Variants in MARCHF7 observed in about 807,000 individuals in gnomAD.
The protein encoded by MARCHF7 is membrane associated ring-CH-type finger 7.
In MARCHF7, 20 loss-of-function variants were observed where a neutral mutation model predicts 76.5. The ratio of observed to expected loss-of-function variants is 0.26; its 90% confidence interval spans 0.18 to 0.38. The LOEUF (loss-of-function observed/expected upper bound fraction) is 0.38, where lower values mean the gene tolerates loss of function less well. Among genes scored for constraint, MARCHF7 ranks in the 10% least tolerant of loss-of-function variants. MARCHF7 has a pLI of 1.00. For missense variants in MARCHF7, 797 were observed against 812.9 expected (o/e 0.98, Z 0.24); for synonymous variants, 295 against 293.0 (o/e 1.01, Z -0.07).
chr2:159,750,869 T>C (rs997005013), intron 7 of MARCHF7, among the ~76,000 whole-genome samples: 8 of 152,204 alleles, frequency 5.3e-5, no homozygotes, highest in Non-Finnish European at 7.3e-5. Context: ...TTTTTAGATT[T>C]TTTTGTACTT....
At chr2:159,745,186 G>A (rs1704700132) in intron 5 of MARCHF7, among the ~76,000 whole-genome samples, 1 of 152,178 alleles carries the variant, frequency 6.6e-6, no homozygotes, top group South Asian at 2.1e-4. Context: ...GGTAGATGTT[G>A]TGAGAAGTGA....
Position 159,729,073 on chromosome 2 carries a change from C to T in MARCHF7, c.51C>T (p.Ser17=). 10 of 1,609,904 alleles carry T rather than the reference C, an allele frequency of 6.2e-6. No individual in the cohort carries two copies. Among genetic ancestry groups the T allele is most frequent in the Non-Finnish European group, 8.5e-6 (10 of 1,178,558 alleles). ...RIPRRISVQP[S]SSLSARMMSG... ...CAAGAAGAATTTCTGTTCAACCTTC[C>T]AGCTCCTTAAGTGCTAGGATGATGT... The change falls in exon 4 of 12, where the codon TCC becomes TCT. Residue 17 remains serine, a synonymous_variant. Transcript: ENST00000409175.
At chr2:159,731,147 C>A (rs573047423) in intron 4 of MARCHF7, among the ~76,000 whole-genome samples, 3 of 152,264 alleles carry the variant, frequency 2.0e-5, no homozygotes, top group Non-Finnish European at 4.4e-5. Context: ...GCCCACCTTC[C>A]CTCCCAGAGT....
chr2:159,770,237 TAATAA>T lies in MARCHF7; in HGVS notation c.*2900_*2904del, dbSNP rs772322318. 1 of 152,148 alleles carries T rather than the reference TAATAA, an allele frequency of 6.6e-6. No homozygotes were observed. Among genetic ancestry groups the T allele is most frequent in the Non-Finnish European group, 1.5e-5 (1 of 68,032 alleles). The allele number at this position is 152,148 out of a possible 1,614,324, so 9.4% of individuals were successfully genotyped here. A position where few individuals can be genotyped will look rare whatever the true frequency, so the allele number is the denominator to read the frequency against. ...ATTGACATTAGTAATAGTCTATCAATAATAAAATAGACATCTCAATCACTATACAA... is the reference window on the plus strand; with the variant it reads ...ATTGACATTAGTAATAGTCTATCAATAATAGACATCTCAATCACTATACAA... On this transcript the variant is annotated 3_prime_UTR_variant, in exon 12 of 12. Coordinates refer to ENST00000409175, the MANE Select transcript of MARCHF7 (RefSeq NM_001282805.2).
Position 159,770,373 on chromosome 2 carries a change from T to C in MARCHF7, c.*3031T>C, listed in dbSNP as rs1708100076. On this transcript the variant is annotated 3_prime_UTR_variant, in exon 12 of 12. Transcript: ENST00000409175. ...TGTAGCCGCACTGTTAATAGTTTTC[T>C]ATCACTTTTTAGTTACTCATGTCTC... 6.6e-6 allele frequency: 1 copy of C among 152,264 alleles called. No individual in the cohort carries two copies. The highest frequency in any genetic ancestry group is 1.5e-5 in the Non-Finnish European group (1 of 68,016). 9.4% of individuals were successfully genotyped at this position (152,264 alleles called of 1,614,324 possible). A position where few individuals can be genotyped will look rare whatever the true frequency, so the allele number is the denominator to read the frequency against.
rs1316845427 is a variant in MARCHF7 at position 159,747,846 on chromosome 2, C to A, written c.556C>A (p.Pro186Thr). The change falls in exon 7 of 12, where the codon CCA (proline) becomes ACA (threonine). Residue 186 changes from proline (P) to threonine (T), a missense_variant. Transcript: ENST00000409175. Reference protein sequence around the residue: ...RVPSYSQGARPKENSMSTLQL... With the variant: ...RVPSYSQGARTKENSMSTLQL... ...TCCTTCATATTCACAAGGAGCAAGA[C>A]CAAAAGAAAACTCAATGAGCACTTT... 6.2e-7 allele frequency: 1 copy of A among 1,608,662 alleles called. No individual in the cohort carries two copies. The highest frequency in any genetic ancestry group is 1.7e-5 in the Admixed American group (1 of 58,466).
At chr2:159,715,141 T>A (rs1239488649) in intron 2 of MARCHF7, among the ~76,000 whole-genome samples, 1 of 152,214 alleles carries the variant, frequency 6.6e-6, no homozygotes, top group Non-Finnish European at 1.5e-5. Flanking sequence ...CTAATGAAGC[T>A]TTTAACTGTT....
chr2:159,726,295 C>G (rs1323253210), intron 3 of MARCHF7, among the ~76,000 whole-genome samples: 1 of 151,948 alleles, frequency 6.6e-6, no homozygotes, highest in Non-Finnish European at 1.5e-5. Flanking sequence ...CCGAGTCTCG[C>G]TCTTGCACCC....
intron 4 of MARCHF7, among the ~76,000 whole-genome samples, chr2:159,738,428 C>T (rs543869208): frequency 6.6e-5 from 10 of 152,214 alleles, no homozygotes; most frequent in East Asian, 5.8e-4. Context: ...CACCATTTGG[C>T]GGGTCCCGAG....
intron 10 of MARCHF7, among the ~76,000 whole-genome samples, chr2:159,763,283 G>T (rs1442537143): frequency 6.6e-6 from 1 of 152,110 alleles, no homozygotes; most frequent in African/African-American, 2.4e-5. Context: ...GAGGGAAAAT[G>T]GGCTTTTTAT....
At chr2:159,736,596 G>T (rs1284808788) in intron 4 of MARCHF7, among the ~76,000 whole-genome samples, 3 of 151,958 alleles carry the variant, frequency 2.0e-5, no homozygotes, top group Admixed American at 2.0e-4. Context: ...AAGGGCATTT[G>T]TGTTGGGAAA....
intron 8 of MARCHF7, among the ~76,000 whole-genome samples, chr2:159,752,800 A>G (rs1327241591): frequency 6.6e-6 from 1 of 152,220 alleles, no homozygotes; most frequent in Non-Finnish European, 1.5e-5. Context: ...ATACATGTAT[A>G]ATACAGCTGT....
chr2:159,740,246 T>TC (rs911874094), intron 4 of MARCHF7, among the ~76,000 whole-genome samples: 3 of 152,074 alleles, frequency 2.0e-5, no homozygotes, highest in Admixed American at 1.3e-4. Context: ...ATCTGATTTA[T>TC]CCCCCCCTTC....
rs925206987 is a variant in MARCHF7 at position 159,715,780 on chromosome 2, C to G, written c.-15+14C>G. 2 of 151,656 alleles carry G rather than the reference C, an allele frequency of 1.3e-5. No individual in the cohort carries two copies. The highest frequency in any genetic ancestry group is 2.4e-5 in the African/African-American group (1 of 41,240). 9.4% of individuals were successfully genotyped at this position (151,656 alleles called of 1,614,324 possible). On this transcript the variant is annotated intron_variant, in intron 3 of 11. Coordinates refer to ENST00000409175, the MANE Select transcript of MARCHF7 (RefSeq NM_001282805.2). ...CGGTTAGACTAGGTAAGTTGAACACCTGGTTTTAAAATCACCTGCTGCTCT... is the reference window on the plus strand; with the variant it reads ...CGGTTAGACTAGGTAAGTTGAACACGTGGTTTTAAAATCACCTGCTGCTCT...
At chr2:159,727,589 G>GA (rs1304852818) in intron 3 of MARCHF7, among the ~76,000 whole-genome samples, 2 of 150,868 alleles carry the variant, frequency 1.3e-5, no homozygotes, top group African/African-American at 2.4e-5. Flanking sequence ...CTCCGTCTCA[G>GA]AAAAAAAAAG....
chr2:159,743,659 G>A (rs1704416224), intron 5 of MARCHF7, among the ~76,000 whole-genome samples: 3 of 151,866 alleles, frequency 2.0e-5, no homozygotes, highest in Non-Finnish European at 4.4e-5. Context: ...CAGAAAATAC[G>A]GAGGCTAAGG....
intron 3 of MARCHF7, among the ~76,000 whole-genome samples, chr2:159,716,741 C>T (rs1399013189): frequency 6.6e-6 from 1 of 152,158 alleles, no homozygotes; most frequent in Non-Finnish European, 1.5e-5. Flanking sequence ...TTTAGTAATT[C>T]AGTACCTGTA....
In MARCHF7 at chr2:159,769,405, G is replaced by T. The variant is rs1331376614; in HGVS notation, c.*2063G>T. 6.6e-6 allele frequency: 1 copy of T among 152,222 alleles called. No homozygotes were observed. Among genetic ancestry groups the T allele is most frequent in the Non-Finnish European group, 1.5e-5 (1 of 68,046 alleles). The allele number at this position is 152,222 out of a possible 1,614,324, so 9.4% of individuals were successfully genotyped here. A position where few individuals can be genotyped will look rare whatever the true frequency, so the allele number is the denominator to read the frequency against. On this transcript the variant is annotated 3_prime_UTR_variant, in exon 12 of 12. Transcript: ENST00000409175. ...CGCATGTAATCCCAGCACTTTGGGA[G>T]ACCAAGGTGGGTGGATCACTTGAGG... is the stretch of plus-strand genomic sequence containing the variant.
intron 8 of MARCHF7, among the ~76,000 whole-genome samples, chr2:159,752,857 G>A (rs1705821811): frequency 6.6e-6 from 1 of 152,144 alleles, no homozygotes; most frequent in South Asian, 2.1e-4. Context: ...AGATCCTTTT[G>A]AATCAAGGAA....
Sources: allele counts gnomAD v4.1 joint callset (sites outside exome capture counted in the v4.1 genomes callset), GRCh38; gene constraint gnomAD v4.1.1; transcripts MANE v1.5; gene names NCBI Gene and HGNC (gene_info 2026-07-23, HGNC 2026-07-21).